MARK4: variants seen among roughly 807,000 people sequenced by gnomAD.
MARK4 encodes the protein MAP/microtubule affinity-regulating kinase 4.
Under a neutral mutation model 81.5 loss-of-function variants are expected in MARK4, and 19 were observed. The observed-to-expected ratio is 0.23, with a 90% CI of 0.16 to 0.34. The LOEUF (loss-of-function observed/expected upper bound fraction) is 0.34, where lower values mean the gene tolerates loss of function less well. MARK4 is among the 10% of genes least tolerant of loss of function. The pLI, the probability that MARK4 is intolerant of heterozygous loss-of-function variation, is 1.00. For synonymous variants in MARK4, 436 were observed against 439.0 expected, an observed-to-expected ratio of 0.99 and a Z score of 0.08; for missense variants, 772 against 1,058.8, an observed-to-expected ratio of 0.73 and a Z score of 3.76.
intron 15 of MARK4, among the ~76,000 whole-genome samples, chr19:45,299,320 G>T (rs1207216341): frequency 6.6e-6 from 1 of 152,024 alleles, no homozygotes; most frequent in African/African-American, 2.4e-5. Context: ...GCTACTTCAG[G>T]GGCCAAGGCA....
intron 14 of MARK4, among the ~76,000 whole-genome samples, chr19:45,295,037 G>C (rs1282684855): frequency 6.6e-6 from 1 of 152,128 alleles, no homozygotes; most frequent in African/African-American, 2.4e-5. Flanking sequence ...GGTGTGGGCA[G>C]AGGAATGGGG....
At chr19:45,292,402 C>G (rs1018417734) in intron 13 of MARK4, among the ~76,000 whole-genome samples, 1 of 152,192 alleles carries the variant, frequency 6.6e-6, no homozygotes, top group Non-Finnish European at 1.5e-5. Flanking sequence ...TCTTTGATAT[C>G]TCACTATGTG....
intron 1 of MARK4, among the ~76,000 whole-genome samples, chr19:45,257,359 G>A (rs1191987629): frequency 6.6e-6 from 1 of 150,394 alleles, no homozygotes; most frequent in Non-Finnish European, 1.5e-5. Context: ...ACTGCAGTAT[G>A]ATGTAAACAC....
intron 15 of MARK4, among the ~76,000 whole-genome samples, chr19:45,298,575 ATTAG>A: frequency 6.6e-6 from 1 of 152,206 alleles, no homozygotes; most frequent in Non-Finnish European, 1.5e-5. Flanking sequence ...TTACATGTGT[ATTAG>A]TTATTAATTG....
intron 1 of MARK4, among the ~76,000 whole-genome samples, 155 bp downstream of exon 1, chr19:45,251,794 C>T (rs1308769829): frequency 6.6e-6 from 1 of 150,430 alleles, no homozygotes; most frequent in African/African-American, 2.4e-5. Flanking sequence ...CCAGGCCTCT[C>T]CACCCTCCCC....
At chr19:45,291,290 A>G (rs939353373) in intron 13 of MARK4, among the ~76,000 whole-genome samples, 4 of 152,214 alleles carry the variant, frequency 2.6e-5, no homozygotes, top group African/African-American at 9.6e-5. Flanking sequence ...CAACCACACC[A>G]CAGAACTGAC....
chr19:45,259,084 T>C lies in MARK4; in HGVS notation c.147T>C (p.Cys49=). The change falls in exon 2 of 17, where the codon TGT becomes TGC. Residue 49 remains cysteine (C), a synonymous_variant. Transcript: ENST00000262891. Reference sequence around the variant, plus strand: ...GTTGCCGGAACTCCATCGCCTCCTGTCCCGAGGAGCAGCCCCACGTGGGCA... The same window carrying C: ...GTTGCCGGAACTCCATCGCCTCCTGCCCCGAGGAGCAGCCCCACGTGGGCA... ...GARCRNSIAS[C]PEEQPHVGNY... 2 of 1,614,082 alleles carry C rather than the reference T, an allele frequency of 1.2e-6. No homozygotes were observed. Among genetic ancestry groups the C allele is most frequent in the African/African-American group, 2.7e-5 (2 of 75,044 alleles).
At chr19:45,280,208 G>A (rs866222037) in intron 10 of MARK4, 166 bp from the exon 11 acceptor site, 20 of 628,426 alleles carry the variant, frequency 3.2e-5, no homozygotes, top group South Asian at 5.6e-5. Flanking sequence ...AACTGAGGTG[G>A]GAGGATCAGC....
intron 12 of MARK4, among the ~76,000 whole-genome samples, chr19:45,281,690 TGG>T (rs1970676740): frequency 6.6e-6 from 1 of 152,112 alleles, no homozygotes; most frequent in African/African-American, 2.4e-5. Flanking sequence ...CCAGTCCAAA[TGG>T]CAGCTGGAAT....
At chr19:45,290,630 T>G (rs1003097035) in intron 13 of MARK4, among the ~76,000 whole-genome samples, 3 of 152,244 alleles carry the variant, frequency 2.0e-5, no homozygotes, top group African/African-American at 7.2e-5. Flanking sequence ...TTACCACTTA[T>G]GACCAGCTTT....
In MARK4 at chr19:45,303,628, C is replaced by T. The variant is rs1971010037; in HGVS notation, c.*918C>T. 2 of 152,200 alleles carry T rather than the reference C, an allele frequency of 1.3e-5. No homozygotes were observed. Among genetic ancestry groups the T allele is most frequent in the Non-Finnish European group, 2.9e-5 (2 of 68,058 alleles). The allele number at this position is 152,200 out of a possible 1,614,324, so 9.4% of individuals were successfully genotyped here. ...CCCAGCCACCATGTTACACTGGACT[C>T]TAAGCCACTTCTTACTCCAGTAGTA... On this transcript the variant is annotated 3_prime_UTR_variant, in exon 17 of 17. Transcript: ENST00000262891.
chr19:45,305,107 G>A lies in MARK4; in HGVS notation c.*2397G>A, dbSNP rs1015155578. 3.9e-5 allele frequency: 6 copies of A among 152,404 alleles called. No homozygotes were observed. The highest frequency in any genetic ancestry group is 7.3e-5 in the Non-Finnish European group (5 of 68,234). The allele number at this position is 152,404 out of a possible 1,614,324, so 9.4% of individuals were successfully genotyped here. A position where few individuals can be genotyped will look rare whatever the true frequency, so the allele number is the denominator to read the frequency against. On this transcript the variant is annotated 3_prime_UTR_variant, in exon 17 of 17. Coordinates refer to ENST00000262891, the MANE Select transcript of MARK4 (RefSeq NM_001199867.2). The stretch of plus-strand genomic sequence containing the variant: ...GGTCGGGGCTGGACAGATGGGGAGA[G>A]CGCAGATAGATTTAAGAGAGTCCTG...
In MARK4 at chr19:45,293,269, A is replaced by T. The variant is rs80148985; in HGVS notation, c.1495-1080A>T. ...CAAAATGAGTGAAACTCTGTCCAAA[A>T]AAATAAATAAATAAATAAAATCCAA... On this transcript the variant is annotated intron_variant, in intron 13 of 16. Coordinates refer to ENST00000262891, the MANE Select transcript of MARK4 (RefSeq NM_001199867.2). Among the ~76,000 whole-genome samples, 947 of 152,306 alleles carry T rather than the reference A, an allele frequency of 6.2e-3. 29 individuals carry two copies. In the East Asian group the frequency reaches 0.095, roughly 15 times the overall value.
chr19:45,264,655 A>G (rs1970426636), intron 4 of MARK4, 29 bp from the exon 5 acceptor site: 1 of 1,609,890 alleles, frequency 6.2e-7, no homozygotes, highest in Non-Finnish European at 8.5e-7. Flanking sequence ...TTTCTCCCTA[A>G]TGCCCTACAC....
intron 12 of MARK4, among the ~76,000 whole-genome samples, chr19:45,281,367 C>CTTTCTTTT (rs527694048): frequency 3.0e-5 from 4 of 132,056 alleles, no homozygotes; most frequent in African/African-American, 1.2e-4. Flanking sequence ...TCTTTTCTTT[C>CTTTCTTTT]TTTTTTTTTT....
chr19:45,284,559 T>C (rs1003009751), intron 12 of MARK4, among the ~76,000 whole-genome samples: 11 of 151,976 alleles, frequency 7.2e-5, no homozygotes, highest in Admixed American at 1.3e-4. Context: ...CCTGACCTCA[T>C]GATCCACCTG....
chr19:45,255,286 C>A (rs2123021053), intron 1 of MARK4, among the ~76,000 whole-genome samples: 1 of 151,930 alleles, frequency 6.6e-6, no homozygotes, highest in Non-Finnish European at 1.5e-5. Flanking sequence ...AACTATCGGG[C>A]ACGGTGGCTC....
At chr19:45,265,790 A>C (rs558865615) in intron 6 of MARK4, among the ~76,000 whole-genome samples, 44 of 143,490 alleles carry the variant, frequency 3.1e-4, no homozygotes, top group African/African-American at 1.0e-3. Flanking sequence ...GTGCCGGGGC[A>C]TGTGGGGTAA....
intron 12 of MARK4, among the ~76,000 whole-genome samples, chr19:45,283,913 T>TAGGAC (rs1970709489): frequency 1.3e-5 from 2 of 152,220 alleles, no homozygotes; most frequent in African/African-American, 2.4e-5. Flanking sequence ...GGTGAAGTTC[T>TAGGAC]TACTCTGGGA....
Sources: allele counts gnomAD v4.1 joint callset (sites outside exome capture counted in the v4.1 genomes callset), GRCh38; gene constraint gnomAD v4.1.1; transcripts MANE v1.5; gene names NCBI Gene and HGNC (gene_info 2026-07-23, HGNC 2026-07-21).